The following GPATCH2L variants were observed in gnomAD, a reference collection of about 807,000 sequenced individuals.
GPATCH2L encodes the protein G-patch domain containing 2 like.
GPATCH2L carries 31 observed loss-of-function variants against 57.4 expected under a neutral mutation model. The ratio of observed to expected loss-of-function variants is 0.54; its 90% confidence interval spans 0.41 to 0.73. The LOEUF is 0.73. GPATCH2L is among the 30% of genes least tolerant of loss of function. The pLI is 0.00. For synonymous variants in GPATCH2L, 199 were observed against 210.7 expected (o/e 0.94, Z 0.48); for missense variants, 481 against 599.9 (o/e 0.80, Z 2.07).
At chr14:76,191,328 C>CT (rs1039349242) in intron 8 of GPATCH2L, among the ~76,000 whole-genome samples, 6 of 152,040 alleles carry the variant, frequency 3.9e-5, no homozygotes, top group African/African-American at 1.4e-4. Flanking sequence ...TCCTTCCCTT[C>CT]TTTAATTTTT....
rs1048451765 is a variant in GPATCH2L at position 76,212,771 on chromosome 14, C to A, written c.*10920C>A. Reference sequence around the variant, plus strand: ...TAAGTTTCAGAACGGAAAAAAGGAACAACAGATGGCATTTGCTGATAAAAA... The same window carrying A: ...TAAGTTTCAGAACGGAAAAAAGGAAAAACAGATGGCATTTGCTGATAAAAA... On this transcript the variant is annotated 3_prime_UTR_variant, in exon 10 of 10. Transcript: ENST00000261530. The A allele has an allele frequency of 6.6e-6, 1 of 151,700 alleles. No homozygotes were observed. Among genetic ancestry groups the A allele is most frequent in the Admixed American group, 6.6e-5 (1 of 15,214 alleles). 9.4% of individuals were successfully genotyped at this position (151,700 alleles called of 1,614,324 possible). A position where few individuals can be genotyped will look rare whatever the true frequency, so the allele number is the denominator to read the frequency against.
At chr14:76,185,556 T>C (rs552428341) in intron 8 of GPATCH2L, among the ~76,000 whole-genome samples, 1 of 152,348 alleles carries the variant, frequency 6.6e-6, no homozygotes, top group South Asian at 2.1e-4. Context: ...CAAAAACTTT[T>C]CATGGCAGTG....
intron 9 of GPATCH2L, among the ~76,000 whole-genome samples, chr14:76,200,067 C>A (rs915318523): frequency 1.3e-5 from 2 of 152,118 alleles, no homozygotes; most frequent in Non-Finnish European, 2.9e-5. Context: ...ATAAGTTAGA[C>A]ACAAAAGGAG....
intron 1 of GPATCH2L, among the ~76,000 whole-genome samples, chr14:76,225,133 A>T (rs2040531561): frequency 6.6e-6 from 1 of 152,222 alleles, no homozygotes; most frequent in Non-Finnish European, 1.5e-5. Context: ...ATTCTGAAAC[A>T]TGGAAACATT....
rs2040442772 is a variant in GPATCH2L, at chr14:76,211,754, G to A, written c.*9903G>A. 1 of 152,152 alleles carries A rather than the reference G, an allele frequency of 6.6e-6. No individual in the cohort carries two copies. The highest frequency in any genetic ancestry group is 2.1e-4 in the South Asian group (1 of 4,830). The allele number at this position is 152,152 out of a possible 1,614,324, so 9.4% of individuals were successfully genotyped here. A position where few individuals can be genotyped will look rare whatever the true frequency, so the allele number is the denominator to read the frequency against. On this transcript the variant is annotated 3_prime_UTR_variant, in exon 10 of 10. Transcript: ENST00000261530. ...TTAAGCCTACAGGAAGTGCCCATGG[G>A]ATAAAACCAATCTGCTGGCTCACAC...
At chr14:76,155,670 TA>T (rs2038273348) in intron 2 of GPATCH2L, among the ~76,000 whole-genome samples, 1 of 152,254 alleles carries the variant, frequency 6.6e-6, no homozygotes, top group African/African-American at 2.4e-5. Context: ...TTTAAAAATG[TA>T]AGTGTAGTTT....
rs2040372820 is a variant in GPATCH2L, at chr14:76,206,080, G to A, written c.*4229G>A. 1 of 152,464 alleles carries A rather than the reference G, an allele frequency of 6.6e-6. No individual in the cohort carries two copies. Among genetic ancestry groups the A allele is most frequent in the Non-Finnish European group, 1.5e-5 (1 of 68,094 alleles). The allele number at this position is 152,464 out of a possible 1,614,324, so 9.4% of individuals were successfully genotyped here. A position where few individuals can be genotyped will look rare whatever the true frequency, so the allele number is the denominator to read the frequency against. ...GATGGTTGGAGGGATGGTAAAAGCA[G>A]TTAGCTCTTGTCAGCTGCTTCCCTC... is the stretch of plus-strand genomic sequence containing the variant. On this transcript the variant is annotated 3_prime_UTR_variant, in exon 10 of 10. Coordinates refer to ENST00000261530, the MANE Select transcript of GPATCH2L (RefSeq NM_017926.4).
At chr14:76,224,006 G>A (rs920700402) in intron 1 of GPATCH2L, among the ~76,000 whole-genome samples, 2 of 152,332 alleles carry the variant, frequency 1.3e-5, no homozygotes, top group East Asian at 3.9e-4. Context: ...ATCAACTGAT[G>A]AATGGTAAAC....
Position 76,152,206 on chromosome 14 carries a change from C to A in GPATCH2L, c.-11+215C>A, listed in dbSNP as rs760697135. Among the ~76,000 whole-genome samples, 5 of 152,172 alleles carry A rather than the reference C, an allele frequency of 3.3e-5. No homozygotes were observed. In the South Asian group the frequency reaches 1.0e-3, roughly 32 times the overall value. ...CTCCGGGGCCACAGCCCCCTCTTCC[C>A]CTTTCTTCTTTCTGCCTCTCTGGGG... is the stretch of plus-strand genomic sequence containing the variant. On this transcript the variant is annotated intron_variant, in intron 1 of 9. Transcript: ENST00000261530.
rs1193414733 is a variant in GPATCH2L, at chr14:76,178,028, G to A, written c.1093G>A (p.Ala365Thr). The stretch of plus-strand genomic sequence containing the variant: ...GGCTTCTGATTTTCCTCACATTTCT[G>A]CTTGTGCACATGAGGTAAGGTTTCC... ...ALASDFPHIS[A>T]CAHEFNPLSP... Residue 365 changes from alanine to threonine, a missense_variant, in exon 7 of 10, where the codon GCT becomes ACT. This residue lies in a region of GPATCH2L where 248 missense variants were observed against 270.5 expected (regional missense o/e 0.92). Transcript: ENST00000261530. The A allele has an allele frequency of 1.9e-6, 3 of 1,606,080 alleles. No individual in the cohort carries two copies. In the Admixed American group the frequency reaches 5.0e-5, roughly 27 times the overall value.
At chr14:76,152,211 C>T (rs1183895955) in intron 1 of GPATCH2L, among the ~76,000 whole-genome samples, 1 of 152,168 alleles carries the variant, frequency 6.6e-6, no homozygotes, top group Non-Finnish European at 1.5e-5. Flanking sequence ...CTTCCCCTTT[C>T]TTCTTTCTGC....
intron 8 of GPATCH2L, among the ~76,000 whole-genome samples, chr14:76,186,865 G>A (rs1256274660): frequency 6.6e-6 from 1 of 152,132 alleles, no homozygotes; most frequent in East Asian, 1.9e-4. Flanking sequence ...GCCTACTTTA[G>A]CCCAGCTAAG....
chr14:76,213,815 A>G lies in GPATCH2L; in HGVS notation c.*11964A>G, dbSNP rs1323453809. 1 of 152,206 alleles carries G rather than the reference A, an allele frequency of 6.6e-6. No homozygotes were observed. The highest frequency in any genetic ancestry group is 1.9e-4 in the East Asian group (1 of 5,204). The allele number at this position is 152,206 out of a possible 1,614,324, so 9.4% of individuals were successfully genotyped here. A position where few individuals can be genotyped will look rare whatever the true frequency, so the allele number is the denominator to read the frequency against. On this transcript the variant is annotated 3_prime_UTR_variant, in exon 10 of 10. Coordinates refer to ENST00000261530, the MANE Select transcript of GPATCH2L (RefSeq NM_017926.4). ...ATGGTACAATTATTGAAACTAGGAA[A>G]TTAACATTGGCACAATCCTATTAAC...
intron 3 of GPATCH2L, 46 bp downstream of exon 3, chr14:76,166,773 A>G (rs1195488330): frequency 8.0e-7 from 1 of 1,249,550 alleles, no homozygotes; most frequent in African/African-American, 1.5e-5. Context: ...TGTTTATGGA[A>G]ATATTTGAAT....
At chr14:76,196,016 C>A in intron 9 of GPATCH2L, 44 bp downstream of exon 9, 1 of 1,369,846 alleles carries the variant, frequency 7.3e-7, no homozygotes, top group Non-Finnish European at 1.0e-6. Flanking sequence ...TACCGTGTGC[C>A]AGGCACTAAA....
chr14:76,180,109 T>G (rs1179820188), intron 7 of GPATCH2L: 1 of 151,854 alleles, frequency 6.6e-6, no homozygotes, highest in Admixed American at 6.6e-5. Context: ...GGCAGGAGAA[T>G]TTTTTGAACT....
At chr14:76,172,360 A>G (rs183624123) in intron 4 of GPATCH2L, among the ~76,000 whole-genome samples, 104 of 152,376 alleles carry the variant, frequency 6.8e-4, no homozygotes, top group African/African-American at 2.4e-3. Flanking sequence ...ACAGATTTCA[A>G]TAAGAACATT....
chr14:76,164,091 T>C (rs2038719831), intron 2 of GPATCH2L, among the ~76,000 whole-genome samples: 1 of 152,292 alleles, frequency 6.6e-6, no homozygotes, highest in African/African-American at 2.4e-5. Context: ...TTCAGATCAT[T>C]TGAGGCCCTG....
At chr14:76,226,752 G>A (rs11159187) in intron 1 of GPATCH2L, among the ~76,000 whole-genome samples, 60,075 of 152,070 alleles carry the variant, frequency 0.4, 14,418 homozygotes, top group South Asian at 0.55. Context: ...CTTGATCTTG[G>A]ACTTCCCAGC....
Sources: allele counts gnomAD v4.1 joint callset (sites outside exome capture counted in the v4.1 genomes callset), GRCh38; gene constraint gnomAD v4.1.1; regional missense constraint gnomAD v4.1.1; transcripts MANE v1.5; gene names NCBI Gene and HGNC (gene_info 2026-07-23, HGNC 2026-07-21).